ZNF385B: variants seen among roughly 807,000 people sequenced by gnomAD.
ZNF385B encodes zinc finger protein 533.
Under a neutral mutation model 39.2 loss-of-function variants are expected in ZNF385B, and 23 were observed. That is an observed-to-expected ratio of 0.59 (90% CI 0.42 to 0.83). The LOEUF (loss-of-function observed/expected upper bound fraction) is 0.83, where lower values mean the gene tolerates loss of function less well. Ranked by LOEUF, ZNF385B falls within the 40% of genes least tolerant of loss-of-function variation. The pLI, the probability that ZNF385B is intolerant of heterozygous loss-of-function variation, is 0.00. For missense variants in ZNF385B, 552 were observed against 598.9 expected (o/e 0.92, Z 0.82); for synonymous variants, 205 against 222.6 (o/e 0.92, Z 0.70).
chr2:179,588,763 C>T (rs1402921490), intron 3 of ZNF385B, among the ~76,000 whole-genome samples: 1 of 152,152 alleles, frequency 6.6e-6, no homozygotes, highest in Non-Finnish European at 1.5e-5. Flanking sequence ...TTACAATGCA[C>T]TGCCCTTTGT....
In ZNF385B at chr2:179,809,483, T is replaced by C. The variant is rs140369063; in HGVS notation, c.-154-38811A>G. On this transcript the variant is annotated intron_variant, in intron 1 of 9. Transcript: ENST00000410066. ...TACATGAAACATGGCCAAGGAAATA[T>C]ACACATAAGACCCAAGAACAATCAA... Among the ~76,000 whole-genome samples, 1,444 of 152,214 alleles carry C rather than the reference T, an allele frequency of 9.5e-3. 8 individuals carry two copies. Among genetic ancestry groups the C allele is most frequent in the Middle Eastern group, 0.027 (8 of 294 alleles).
intron 3 of ZNF385B, among the ~76,000 whole-genome samples, chr2:179,670,228 C>T (rs1695757141): frequency 6.9e-6 from 1 of 145,384 alleles, no homozygotes. Flanking sequence ...GGAGGCGGAG[C>T]TTGCAGTGGG....
At chr2:179,689,037 C>A (rs1698145646) in intron 3 of ZNF385B, among the ~76,000 whole-genome samples, 1 of 152,204 alleles carries the variant, frequency 6.6e-6, no homozygotes, top group Non-Finnish European at 1.5e-5. Context: ...TTGCCTCTAA[C>A]CGCAGTGAGA....
intron 3 of ZNF385B, among the ~76,000 whole-genome samples, chr2:179,573,124 T>C (rs932351364): frequency 2.0e-5 from 3 of 152,214 alleles, no homozygotes; most frequent in African/African-American, 7.2e-5. Flanking sequence ...CTAATAAATG[T>C]TGATACTTTA....
chr2:179,821,867 G>A (rs938067379), intron 1 of ZNF385B, among the ~76,000 whole-genome samples: 1 of 152,028 alleles, frequency 6.6e-6, no homozygotes, highest in Non-Finnish European at 1.5e-5. Context: ...TGACTGCAGT[G>A]ACAAAAATAG....
chr2:179,474,964 A>G (rs2053241519), intron 6 of ZNF385B, among the ~76,000 whole-genome samples: 1 of 152,154 alleles, frequency 6.6e-6, no homozygotes, highest in Non-Finnish European at 1.5e-5. Context: ...CATTATTTCC[A>G]CTTTACAGAT....
chr2:179,591,006 G>A (rs1010181142), intron 3 of ZNF385B, among the ~76,000 whole-genome samples: 2 of 151,926 alleles, frequency 1.3e-5, no homozygotes, highest in Non-Finnish European at 2.9e-5. Flanking sequence ...AACAGTCCTA[G>A]AAAGTTAAGG....
At chr2:179,690,342 T>A (rs905035959) in intron 3 of ZNF385B, among the ~76,000 whole-genome samples, 4 of 152,206 alleles carry the variant, frequency 2.6e-5, no homozygotes, top group Admixed American at 1.3e-4. Flanking sequence ...TCCCTCAGTA[T>A]AAATAGGGGA....
At chr2:179,453,793 TG>T (rs966558672) in intron 6 of ZNF385B, among the ~76,000 whole-genome samples, 36 of 152,240 alleles carry the variant, frequency 2.4e-4, no homozygotes, top group Middle Eastern at 3.4e-3. Flanking sequence ...GGCTGAAGTG[TG>T]GACCTTTAGT....
At chr2:179,663,706 T>C (rs1436793722) in intron 3 of ZNF385B, among the ~76,000 whole-genome samples, 7 of 92,978 alleles carry the variant, frequency 7.5e-5, no homozygotes, top group Admixed American at 1.7e-4. Flanking sequence ...AGAGCGAGAC[T>C]CCGTCTCAAA....
intron 3 of ZNF385B, among the ~76,000 whole-genome samples, chr2:179,641,942 C>T (rs1396164471): frequency 6.6e-6 from 1 of 152,126 alleles, no homozygotes. Context: ...TGTGTGGGAA[C>T]AACGTGTGGC....
rs1286345910 is a variant in ZNF385B, at chr2:179,853,079, C to A, written c.-155+8022G>T. On this transcript the variant is annotated intron_variant, in intron 1 of 9. Transcript: ENST00000410066. Reference sequence around the variant, plus strand: ...TGGACTTAAGCTCTTTGGTAATCCTCCCCATAGTTTGCCAATTATATCTTT... The same window carrying A: ...TGGACTTAAGCTCTTTGGTAATCCTACCCATAGTTTGCCAATTATATCTTT... Among the ~76,000 whole-genome samples, 6 of 152,160 alleles carry A rather than the reference C, an allele frequency of 3.9e-5. No homozygotes were observed. In the East Asian group the frequency reaches 1.2e-3, roughly 29 times the overall value.
chr2:179,646,655 A>T (rs1692747350), intron 3 of ZNF385B, among the ~76,000 whole-genome samples: 1 of 152,132 alleles, frequency 6.6e-6, no homozygotes, highest in African/African-American at 2.4e-5. Context: ...TTGGCACTTT[A>T]TTTGGTGTAA....
At chr2:179,518,341 C>A (rs2058234423) in intron 5 of ZNF385B, among the ~76,000 whole-genome samples, 187 bp downstream of exon 5, 1 of 152,130 alleles carries the variant, frequency 6.6e-6, no homozygotes, top group African/African-American at 2.4e-5. Context: ...AGAGGGCCAA[C>A]CATACTCTAT....
At chr2:179,503,891 T>A (rs1381690602) in intron 5 of ZNF385B, among the ~76,000 whole-genome samples, 6 of 150,042 alleles carry the variant, frequency 4.0e-5, no homozygotes, top group Non-Finnish European at 7.4e-5. Context: ...TTTTTTTTTT[T>A]ATACTTTAAG....
intron 1 of ZNF385B, among the ~76,000 whole-genome samples, chr2:179,843,530 G>A (rs1409130142): frequency 1.3e-5 from 2 of 152,158 alleles, no homozygotes; most frequent in African/African-American, 2.4e-5. Context: ...TGTGACATAG[G>A]TATATACCAA....
chr2:179,795,343 G>A (rs1049112118), intron 1 of ZNF385B, among the ~76,000 whole-genome samples: 3 of 152,054 alleles, frequency 2.0e-5, no homozygotes, highest in Admixed American at 6.6e-5. Flanking sequence ...AGGTTTCTAC[G>A]ATTTTCATTT....
At chr2:179,705,588 G>A (rs528228361) in intron 3 of ZNF385B, among the ~76,000 whole-genome samples, 1 of 152,276 alleles carries the variant, frequency 6.6e-6, no homozygotes, top group East Asian at 1.9e-4. Flanking sequence ...GTAACCCCTA[G>A]AAACTTTTGC....
intron 1 of ZNF385B, among the ~76,000 whole-genome samples, chr2:179,810,752 G>C (rs1224301876): frequency 6.6e-6 from 1 of 152,066 alleles, no homozygotes; most frequent in African/African-American, 2.4e-5. Context: ...TCTCTTCCAA[G>C]ATGGTGGAAT....
Sources: gnomAD v4.1 joint callset for allele counts (sites outside exome capture counted in the v4.1 genomes callset) on GRCh38, gnomAD v4.1.1 for gene constraint, MANE v1.5 for transcripts, NCBI Gene and HGNC (gene_info 2026-07-23, HGNC 2026-07-21) for gene names.